The following ZFAND6 variants were observed in gnomAD, a reference collection of about 807,000 sequenced individuals.
The protein encoded by ZFAND6 is AN1-type zinc finger protein 6.
In ZFAND6, 12 loss-of-function variants were observed where a neutral mutation model predicts 24.5. The observed-to-expected ratio is 0.49, with a 90% CI of 0.31 to 0.79. The LOEUF (loss-of-function observed/expected upper bound fraction) is 0.79, where lower values mean the gene tolerates loss of function less well. Among genes scored for constraint, ZFAND6 ranks in the 30% least tolerant of loss-of-function variants. The probability of loss-of-function intolerance (pLI) is 0.04; values close to 1 mark genes in which losing one functional copy is unlikely to be tolerated. For missense variants in ZFAND6, 207 were observed against 245.9 expected, an observed-to-expected ratio of 0.84 and a Z score of 1.06; for synonymous variants, 92 against 81.5, an observed-to-expected ratio of 1.13 and a Z score of -0.69.
chr15:80,114,826 A>G (rs1054191574), intron 2 of ZFAND6, among the ~76,000 whole-genome samples: 16 of 152,236 alleles, frequency 1.1e-4, no homozygotes, highest in Admixed American at 9.8e-4. Flanking sequence ...AGGAAAAACA[A>G]ATTTTTTCAA....
chr15:80,118,190 C>T (rs979191473), intron 2 of ZFAND6, among the ~76,000 whole-genome samples: 5 of 152,010 alleles, frequency 3.3e-5, no homozygotes, highest in East Asian at 1.9e-4. Context: ...GGTGCGATCC[C>T]GGCTCACTGC....
chr15:80,064,923 G>A (rs2036531750), intron 1 of ZFAND6, among the ~76,000 whole-genome samples: 1 of 151,236 alleles, frequency 6.6e-6, no homozygotes, highest in Non-Finnish European at 1.5e-5. Context: ...TGAGCCACTG[G>A]GCCTGGCATG....
chr15:80,064,399 G>A (rs1302315286), intron 1 of ZFAND6, among the ~76,000 whole-genome samples: 1 of 151,866 alleles, frequency 6.6e-6, no homozygotes, highest in East Asian at 1.9e-4. Flanking sequence ...CCTTTCTATA[G>A]GAATCATCAT....
intron 2 of ZFAND6, among the ~76,000 whole-genome samples, chr15:80,103,854 T>C (rs2039165999): frequency 6.6e-6 from 1 of 152,186 alleles, no homozygotes; most frequent in Non-Finnish European, 1.5e-5. Flanking sequence ...ATTATTATTA[T>C]TGTTTTTTTA....
intron 5 of ZFAND6, among the ~76,000 whole-genome samples, chr15:80,126,017 T>G (rs978769067): frequency 6.6e-6 from 1 of 152,196 alleles, no homozygotes; most frequent in African/African-American, 2.4e-5. Flanking sequence ...GAGAGAATTT[T>G]GAAGCTTTCC....
intron 2 of ZFAND6, among the ~76,000 whole-genome samples, chr15:80,112,267 C>G (rs1349406142): frequency 6.6e-6 from 1 of 151,908 alleles, no homozygotes; most frequent in African/African-American, 2.4e-5. Context: ...TCTCAAAAAA[C>G]TGCTATGCAG....
intron 1 of ZFAND6, among the ~76,000 whole-genome samples, chr15:80,066,386 C>G (rs568645972): frequency 6.6e-6 from 1 of 151,904 alleles, no homozygotes; most frequent in East Asian, 1.9e-4. Context: ...GGTCTTGGCT[C>G]GCTGCAACCT....
chr15:80,122,832 T>C (rs781252049), intron 5 of ZFAND6, 32 bp downstream of exon 5: 3 of 1,569,004 alleles, frequency 1.9e-6, no homozygotes, highest in Non-Finnish European at 2.6e-6. Flanking sequence ...TATTTTGTTA[T>C]TTGAGTATTA....
intron 6 of ZFAND6, among the ~76,000 whole-genome samples, chr15:80,133,082 A>G (rs371426754): frequency 6.6e-6 from 1 of 152,224 alleles, no homozygotes; most frequent in East Asian, 1.9e-4. Context: ...TGCTATAAAA[A>G]AAGGCATACT....
chr15:80,116,990 A>G (rs1038314875), intron 2 of ZFAND6, among the ~76,000 whole-genome samples: 2 of 152,152 alleles, frequency 1.3e-5, no homozygotes, highest in Non-Finnish European at 2.9e-5. Flanking sequence ...AGCAACCAAC[A>G]TTGGTTGCTT....
intron 1 of ZFAND6, among the ~76,000 whole-genome samples, chr15:80,080,840 G>C (rs560427522): frequency 6.6e-6 from 1 of 152,300 alleles, no homozygotes; most frequent in South Asian, 2.1e-4. Context: ...GTGGGGTGCG[G>C]AGAGGTACCA....
chr15:80,066,787 C>G (rs991818358), intron 1 of ZFAND6, among the ~76,000 whole-genome samples: 3 of 151,352 alleles, frequency 2.0e-5, no homozygotes, highest in African/African-American at 7.3e-5. Flanking sequence ...ATCCCAGCTA[C>G]TCGGGAGGCT....
intron 2 of ZFAND6, among the ~76,000 whole-genome samples, chr15:80,103,436 C>G (rs1215389803): frequency 6.6e-6 from 1 of 152,102 alleles, no homozygotes; most frequent in Non-Finnish European, 1.5e-5. Context: ...GATATTCACT[C>G]AGAACATCTC....
intron 2 of ZFAND6, among the ~76,000 whole-genome samples, chr15:80,116,692 A>C (rs2039891096): frequency 6.6e-6 from 1 of 152,206 alleles, no homozygotes; most frequent in Non-Finnish European, 1.5e-5. Flanking sequence ...TTGCAGTGTG[A>C]AATTGAAACC....
chr15:80,114,642 A>G (rs1241301767), intron 2 of ZFAND6, among the ~76,000 whole-genome samples: 1 of 152,244 alleles, frequency 6.6e-6, no homozygotes, highest in Non-Finnish European at 1.5e-5. Context: ...AAGGAAGCAC[A>G]GGAAAGTAGG....
chr15:80,060,945 A>G (rs919900527), intron 1 of ZFAND6, among the ~76,000 whole-genome samples: 8 of 152,202 alleles, frequency 5.3e-5, no homozygotes, highest in African/African-American at 1.9e-4. Flanking sequence ...AGAATTAATG[A>G]TTTTGAAGCT....
intron 1 of ZFAND6, among the ~76,000 whole-genome samples, chr15:80,092,788 G>A (rs79366196): frequency 1.3e-5 from 2 of 152,002 alleles, no homozygotes; most frequent in African/African-American, 4.8e-5. Context: ...CTTAAAAATA[G>A]CTATTATTTT....
In ZFAND6 at chr15:80,059,726, G is replaced by C. The variant is rs1204136255; in HGVS notation, c.-264G>C. 6.6e-6 allele frequency: 1 copy of C among 152,580 alleles called. No individual in the cohort carries two copies. The highest frequency in any genetic ancestry group is 1.9e-4 in the East Asian group (1 of 5,174). 9.5% of individuals were successfully genotyped at this position (152,580 alleles called of 1,614,324 possible). On this transcript the variant is annotated 5_prime_UTR_variant, in exon 1 of 7. Coordinates refer to ENST00000261749, the MANE Select transcript of ZFAND6 (RefSeq NM_019006.4). Reference sequence around the variant, plus strand: ...CGGTGGCGGAGCCGGAGCAAGCAGGGGTTCGGCGGCATTACCTGTACCCAT... The same window carrying C: ...CGGTGGCGGAGCCGGAGCAAGCAGGCGTTCGGCGGCATTACCTGTACCCAT...
chr15:80,077,697 C>CTCT (rs1555428231), intron 1 of ZFAND6, among the ~76,000 whole-genome samples: 111 of 115,294 alleles, frequency 9.6e-4, no homozygotes, highest in African/African-American at 3.5e-3. Context: ...AGTTTTCTTT[C>CTCT]TTTTTTTTTT....
Sources: allele counts gnomAD v4.1 joint callset (sites outside exome capture counted in the v4.1 genomes callset), GRCh38; gene constraint gnomAD v4.1.1; transcripts MANE v1.5; gene names NCBI Gene and HGNC (gene_info 2026-07-23, HGNC 2026-07-21).